The following DACH2 variants were observed in gnomAD, a reference collection of about 807,000 sequenced individuals.
DACH2 encodes dachshund family transcription factor 2.
DACH2 carries 17 observed loss-of-function variants against 35.8 expected under a neutral mutation model. That is an observed-to-expected ratio of 0.48 (90% CI 0.33 to 0.71). The LOEUF is 0.71. DACH2 is among the 30% of genes least tolerant of loss of function. The pLI, the probability that DACH2 is intolerant of heterozygous loss-of-function variation, is 0.02. For synonymous variants in DACH2, 195 were observed against 177.3 expected (o/e 1.10, Z -0.79); for missense variants, 469 against 472.7 (o/e 0.99, Z 0.07).
intron 5 of DACH2, among the ~76,000 whole-genome samples, chrX:86,703,982 G>T (rs1983503625): frequency 8.9e-6 from 1 of 111,781 alleles, no homozygotes; most frequent in African/African-American, 3.2e-5. Context: ...GAAAAAAATT[G>T]GCCTGAATAG....
At chrX:86,677,728 G>A (rs977719596) in intron 4 of DACH2, among the ~76,000 whole-genome samples, 2 of 112,277 alleles carry the variant, frequency 1.8e-5, no homozygotes, top group Non-Finnish European at 3.8e-5. Context: ...TTTGGGAAGT[G>A]TGTGTTTGTC....
At chrX:86,232,808 A>T (rs2032977638) in intron 1 of DACH2, among the ~76,000 whole-genome samples, 2 of 112,293 alleles carry the variant, frequency 1.8e-5, no homozygotes, top group South Asian at 7.4e-4. Context: ...CTAAAAGTAG[A>T]ACTATCATTC....
At chrX:86,267,313 A>G (rs1477638982) in intron 1 of DACH2, among the ~76,000 whole-genome samples, 1 of 112,313 alleles carries the variant, frequency 8.9e-6, no homozygotes, top group Non-Finnish European at 1.9e-5. Flanking sequence ...GAATATAACA[A>G]TCTATATAAA....
At chrX:86,347,400 C>G (rs1199574503) in intron 1 of DACH2, among the ~76,000 whole-genome samples, 2 of 47,422 alleles carry the variant, frequency 4.2e-5, no homozygotes, top group African/African-American at 2.2e-4. Flanking sequence ...TGCACACATA[C>G]GCAAAAGCGC....
chrX:86,254,807 T>TATATATATATATATATATATAG (rs1380613474), intron 1 of DACH2, among the ~76,000 whole-genome samples: 1 of 49,652 alleles, frequency 2.0e-5, no homozygotes, highest in African/African-American at 1.2e-4. Flanking sequence ...TATATATATA[T>TATATATATATATATATATATAG]AGAGAGAGAG....
chrX:86,320,538 G>A (rs1602400236), intron 1 of DACH2, among the ~76,000 whole-genome samples: 2 of 112,150 alleles, frequency 1.8e-5, no homozygotes, highest in East Asian at 5.6e-4. Flanking sequence ...GCAATTGTCT[G>A]TTAGCTAAAG....
chrX:86,620,561 T>C (rs372530662), intron 3 of DACH2, among the ~76,000 whole-genome samples: 2 of 111,565 alleles, frequency 1.8e-5, no homozygotes, highest in East Asian at 5.6e-4. Flanking sequence ...ATGCCAAACA[T>C]ATTGTAAATC....
intron 1 of DACH2, among the ~76,000 whole-genome samples, chrX:86,357,651 A>G (rs1349349196): frequency 8.9e-6 from 1 of 112,460 alleles, no homozygotes; most frequent in African/African-American, 3.2e-5. Context: ...TTCTGGGCTT[A>G]TTCAAACATA....
intron 1 of DACH2, among the ~76,000 whole-genome samples, chrX:86,308,805 G>T (rs1379838015): frequency 9.0e-6 from 1 of 111,521 alleles, no homozygotes; most frequent in Non-Finnish European, 1.9e-5. Flanking sequence ...TTGATTCCAG[G>T]CAACTCATAA....
intron 4 of DACH2, among the ~76,000 whole-genome samples, chrX:86,659,217 T>C (rs2040578103): frequency 9.0e-6 from 1 of 110,775 alleles, no homozygotes; most frequent in South Asian, 3.8e-4. Flanking sequence ...CAACTTTCAC[T>C]ACTCTACCCA....
intron 7 of DACH2, among the ~76,000 whole-genome samples, chrX:86,770,167 CAT>C (rs1491475868): frequency 2.5e-5 from 1 of 39,952 alleles, no homozygotes; most frequent in African/African-American, 1.1e-4. Flanking sequence ...AAGAGCCACT[CAT>C]TTTTTTTTTT....
chrX:86,281,394 A>T (rs756611130), intron 1 of DACH2, among the ~76,000 whole-genome samples: 2 of 111,888 alleles, frequency 1.8e-5, no homozygotes. Context: ...AACCAGTGAC[A>T]AAAACCACAT....
At chrX:86,742,993 A>G (rs1432994423) in intron 7 of DACH2, among the ~76,000 whole-genome samples, 1 of 111,588 alleles carries the variant, frequency 9.0e-6, no homozygotes, top group Non-Finnish European at 1.9e-5. Context: ...CAGCTCAGAG[A>G]CATCTGACTC....
chrX:86,517,455 C>T (rs1388991195), intron 3 of DACH2, among the ~76,000 whole-genome samples: 1 of 99,020 alleles, frequency 1.0e-5, no homozygotes, highest in East Asian at 3.1e-4. Flanking sequence ...CTTGTTCTGT[C>T]GCCCAGGCTG....
intron 7 of DACH2, chrX:86,799,144 A>G: frequency 3.1e-6 from 1 of 318,037 alleles, no homozygotes; most frequent in Non-Finnish European, 6.0e-6. Flanking sequence ...AGTTCCTCCA[A>G]GACCCTGGAA....
intron 1 of DACH2, among the ~76,000 whole-genome samples, chrX:86,374,855 C>T (rs762586871): frequency 9.1e-6 from 1 of 110,214 alleles, no homozygotes; most frequent in African/African-American, 3.3e-5. Flanking sequence ...CTGTACTGAG[C>T]TGATAATATT....
chrX:86,736,675 G>A (rs1384820477), intron 6 of DACH2, among the ~76,000 whole-genome samples: 3 of 111,089 alleles, frequency 2.7e-5, no homozygotes, highest in South Asian at 3.7e-4. Flanking sequence ...GGATTCTCTT[G>A]CTTTTTTAAA....
intron 3 of DACH2, among the ~76,000 whole-genome samples, chrX:86,582,098 C>T (rs1040605554): frequency 3.6e-5 from 4 of 111,518 alleles, no homozygotes; most frequent in African/African-American, 1.3e-4. Context: ...AATTAAACAA[C>T]CTTCTCCTGA....
chrX:86,531,673 C>T (rs1218385410), intron 3 of DACH2, among the ~76,000 whole-genome samples: 1 of 112,644 alleles, frequency 8.9e-6, no homozygotes, highest in Non-Finnish European at 1.9e-5. Context: ...GCAGAGCCCT[C>T]ATGAAGAATC....
Sources: allele counts gnomAD v4.1 joint callset (sites outside exome capture counted in the v4.1 genomes callset), GRCh38; gene constraint gnomAD v4.1.1; transcripts MANE v1.5; gene names NCBI Gene and HGNC (gene_info 2026-07-23, HGNC 2026-07-21).